The following IL1R2 variants were observed in gnomAD, a reference collection of about 807,000 sequenced individuals.
The protein encoded by IL1R2 is interleukin-1 receptor type 2.
In IL1R2, 46 loss-of-function variants were observed where a neutral mutation model predicts 39.5. The ratio of observed to expected loss-of-function variants is 1.16; its 90% CI spans 0.92 to 1.49. IL1R2 has a LOEUF of 1.49. Among genes scored for constraint, IL1R2 ranks in the 40% most tolerant of loss-of-function variants. IL1R2 has a pLI of 0.00. For missense variants in IL1R2, 537 were observed against 502.0 expected, an observed-to-expected ratio of 1.07 and a Z score of -0.67; for synonymous variants, 207 against 189.6, an observed-to-expected ratio of 1.09 and a Z score of -0.75.
At chr2:102,022,807 A>G (rs1285633569) in intron 6 of IL1R2, among the ~76,000 whole-genome samples, 2 of 152,206 alleles carry the variant, frequency 1.3e-5, no homozygotes, top group Non-Finnish European at 2.9e-5. Context: ...ACAGGTCCAC[A>G]CTAGTGGCCA....
chr2:102,025,572 G>C (rs1468804443), intron 7 of IL1R2, among the ~76,000 whole-genome samples: 1 of 152,218 alleles, frequency 6.6e-6, no homozygotes, highest in African/African-American at 2.4e-5. Context: ...ACAGTTAGTA[G>C]TGAGGTGTCT....
chr2:101,997,263 C>A (rs1675639110), intron 1 of IL1R2, among the ~76,000 whole-genome samples: 1 of 152,236 alleles, frequency 6.6e-6, no homozygotes, highest in Non-Finnish European at 1.5e-5. Flanking sequence ...GGTCACCCCG[C>A]TGTGCCTCTC....
chr2:102,013,634 T>C (rs572507192), intron 3 of IL1R2, among the ~76,000 whole-genome samples: 71 of 147,932 alleles, frequency 4.8e-4, no homozygotes, highest in African/African-American at 1.8e-3. Flanking sequence ...GTTATGCTGC[T>C]GTAACAAATA....
intron 1 of IL1R2, among the ~76,000 whole-genome samples, chr2:101,997,516 G>T (rs1330809531): frequency 6.6e-6 from 1 of 152,192 alleles, no homozygotes; most frequent in Non-Finnish European, 1.5e-5. Flanking sequence ...AGGTGGGGCA[G>T]TCTTCCCCCA....
chr2:102,009,002 A>G (rs1049370530), intron 2 of IL1R2, among the ~76,000 whole-genome samples: 2 of 151,824 alleles, frequency 1.3e-5, no homozygotes, highest in Non-Finnish European at 2.9e-5. Context: ...CCACTCCAGC[A>G]GGGCAACAGA....
intron 1 of IL1R2, among the ~76,000 whole-genome samples, chr2:101,995,146 AG>A (rs1052049472): frequency 3.9e-5 from 6 of 152,238 alleles, no homozygotes; most frequent in African/African-American, 1.4e-4. Context: ...TTAATAAAAA[AG>A]GTCACATGCT....
At chr2:102,004,750 C>T (rs1315793963) in intron 1 of IL1R2, among the ~76,000 whole-genome samples, 3 of 152,238 alleles carry the variant, frequency 2.0e-5, no homozygotes, top group Admixed American at 2.0e-4. Flanking sequence ...TTGGTTCCAA[C>T]CTTTTTCTGA....
intron 1 of IL1R2, among the ~76,000 whole-genome samples, chr2:102,003,928 G>T (rs1250363754): frequency 1.4e-5 from 2 of 148,018 alleles, no homozygotes; most frequent in Non-Finnish European, 3.0e-5. Flanking sequence ...TGTATGTCTA[G>T]GTCTAGGTCT....
chr2:102,001,299 G>C (rs1332786326), intron 1 of IL1R2, among the ~76,000 whole-genome samples: 1 of 152,244 alleles, frequency 6.6e-6, no homozygotes, highest in Non-Finnish European at 1.5e-5. Context: ...AGTATAAAGA[G>C]AGCGCCTATG....
intron 4 of IL1R2, among the ~76,000 whole-genome samples, chr2:102,017,089 AAGG>A (rs1677050077): frequency 6.6e-6 from 1 of 152,174 alleles, no homozygotes; most frequent in Non-Finnish European, 1.5e-5. Context: ...AGACATATTA[AAGG>A]AGTTTTTTTA....
intron 8 of IL1R2, among the ~76,000 whole-genome samples, 153 bp downstream of exon 8, chr2:102,026,406 A>G (rs1009385508): frequency 4.6e-5 from 7 of 152,190 alleles, no homozygotes; most frequent in Non-Finnish European, 8.8e-5. Flanking sequence ...TCCCATTTTT[A>G]AAGAGTTTTG....
Position 102,028,472 on chromosome 2 carries a change from C to G in IL1R2, c.*80C>G. On this transcript the variant is annotated 3_prime_UTR_variant, in exon 9 of 9. Transcript: ENST00000332549. ...AGTGGCTGTGTCTTTTTGAGGGACT[C>G]TGTTCTTTGCCTCAGTTGTCTACCA... 3 of 1,261,122 alleles carry G rather than the reference C, an allele frequency of 2.4e-6. No individual in the cohort carries two copies. The highest frequency in any genetic ancestry group is 2.2e-6 in the Non-Finnish European group (2 of 920,150). 78.1% of individuals were successfully genotyped at this position (1,261,122 alleles called of 1,614,324 possible).
At chr2:102,012,858 AG>A (rs1432831603) in intron 3 of IL1R2, among the ~76,000 whole-genome samples, 1 of 152,242 alleles carries the variant, frequency 6.6e-6, no homozygotes, top group Admixed American at 6.5e-5. Context: ...TGAAACCTGA[AG>A]TCAGAAAGAA....
chr2:101,994,124 C>T (rs1286740386), intron 1 of IL1R2, among the ~76,000 whole-genome samples: 1 of 152,142 alleles, frequency 6.6e-6, no homozygotes, highest in Non-Finnish European at 1.5e-5. Flanking sequence ...ACTTGGTTAC[C>T]CTAAAAGGCA....
At position 102,026,102 on chromosome 2, in the gene IL1R2, T is replaced by C. The variant is rs762938627; in HGVS notation, c.888-9T>C. ...CAATCATAATTAAGTGAATGTTTTT[T>C]TAACTCAGGGAATATTCAGAAAATA... On this transcript the variant is annotated splice_polypyrimidine_tract_variant and intron_variant, in intron 7 of 8. Coordinates refer to ENST00000332549, the MANE Select transcript of IL1R2 (RefSeq NM_004633.4). 2.5e-6 allele frequency: 4 copies of C among 1,589,512 alleles called. No homozygotes were observed. The South Asian group carries it at 3.4e-5, about 13-fold the overall frequency.
At chr2:102,005,360 AG>A (rs2150427801) in intron 1 of IL1R2, among the ~76,000 whole-genome samples, 1 of 152,346 alleles carries the variant, frequency 6.6e-6, no homozygotes, top group African/African-American at 2.4e-5. Flanking sequence ...GAAGACTGTG[AG>A]AACACAATGC....
At chr2:102,006,902 C>T (rs986887753) in intron 1 of IL1R2, among the ~76,000 whole-genome samples, 3 of 152,130 alleles carry the variant, frequency 2.0e-5, no homozygotes, top group Admixed American at 6.6e-5. Context: ...TGCTTTTGGC[C>T]GCATCGTTTC....
intron 1 of IL1R2, chr2:102,002,052 T>A (rs1675888917): frequency 6.6e-6 from 1 of 152,202 alleles, no homozygotes. Context: ...AGAGAAGAGT[T>A]TCATCTTCTA....
chr2:102,021,943 T>A (rs1677425906), intron 5 of IL1R2: 1 of 497,398 alleles, frequency 2.0e-6, no homozygotes, highest in African/African-American at 1.9e-5. Context: ...ACTGAAGACC[T>A]CCTGTCAGCG....
Sources: allele counts gnomAD v4.1 joint callset (sites outside exome capture counted in the v4.1 genomes callset), GRCh38; gene constraint gnomAD v4.1.1; transcripts MANE v1.5; gene names NCBI Gene and HGNC (gene_info 2026-07-23, HGNC 2026-07-21).